The following VPS35L variants were observed in gnomAD, a reference collection of about 807,000 sequenced individuals.
VPS35L encodes VPS35 endosomal protein sorting factor like.
In VPS35L, 83 loss-of-function variants were observed where a neutral mutation model predicts 133.0. The ratio of observed to expected loss-of-function variants is 0.62; its 90% confidence interval spans 0.52 to 0.75. VPS35L has a LOEUF of 0.75. Ranked by LOEUF, VPS35L falls within the 30% of genes least tolerant of loss-of-function variation. The probability of loss-of-function intolerance (pLI) is 0.00; values close to 1 mark genes in which losing one functional copy is unlikely to be tolerated. For synonymous variants in VPS35L, 423 were observed against 449.9 expected (o/e 0.94, Z 0.76); for missense variants, 1,083 against 1,206.8 (o/e 0.90, Z 1.52).
At chr16:19,637,684 G>A in intron 20 of VPS35L, 28 bp downstream of exon 20, 1 of 1,494,060 alleles carries the variant, frequency 6.7e-7, no homozygotes, top group South Asian at 1.2e-5. Flanking sequence ...ATTATCTTTG[G>A]AAATTTGTAC....
intron 7 of VPS35L, among the ~76,000 whole-genome samples, chr16:19,591,072 C>T (rs1276118269): frequency 1.3e-5 from 2 of 152,178 alleles, no homozygotes; most frequent in Non-Finnish European, 2.9e-5. Context: ...ATGTTTTCAG[C>T]ATTGAAGGTC....
chr16:19,682,479 T>C, intron 28 of VPS35L, 89 bp downstream of exon 28: 1 of 1,398,126 alleles, frequency 7.2e-7, no homozygotes, highest in Non-Finnish European at 9.7e-7. Flanking sequence ...TATTTTTTCC[T>C]CCCTTGTATT....
intron 25 of VPS35L, 94 bp from the exon 26 acceptor site, chr16:19,651,882 G>A: frequency 1.1e-6 from 1 of 938,814 alleles, no homozygotes; most frequent in Non-Finnish European, 1.7e-6. Flanking sequence ...ACTGTTGTAA[G>A]TTTCTTTCCT....
In VPS35L at chr16:19,699,465, C is replaced by T; in HGVS notation, c.2647-37C>T. On this transcript the variant is annotated intron_variant, in intron 29 of 30. Transcript: ENST00000417362. This position sits in a 1 kb window ranked among gnomAD's most constrained non-coding sequence, Gnocchi z 4.2. ...CATCTCTGCGGGGCACGGCCTGAGC[C>T]CCAGTGCAAGGCAGTAACCTCCCTT... 6.2e-7 allele frequency: 1 copy of T among 1,612,676 alleles called. No homozygotes were observed. Among genetic ancestry groups the T allele is most frequent in the Non-Finnish European group, 8.5e-7 (1 of 1,179,160 alleles).
intron 10 of VPS35L, 33 bp from the exon 11 acceptor site, chr16:19,608,941 G>A: frequency 6.2e-7 from 1 of 1,603,822 alleles, no homozygotes; most frequent in Non-Finnish European, 8.5e-7. Context: ...AGACCTTCTG[G>A]AAAACATCTT....
chr16:19,684,714 TCA>T (rs896488519), intron 28 of VPS35L, among the ~76,000 whole-genome samples: 1 of 152,182 alleles, frequency 6.6e-6, no homozygotes, highest in Non-Finnish European at 1.5e-5. Context: ...GAAGTGAAAC[TCA>T]CACCCAGAGT....
chr16:19,665,478 C>T (rs1350142798), intron 26 of VPS35L, among the ~76,000 whole-genome samples: 1 of 152,206 alleles, frequency 6.6e-6, no homozygotes, highest in African/African-American at 2.4e-5. Context: ...ATAATGCCCT[C>T]CAGTTTCACC....
chr16:19,591,607 G>A (rs918326306), intron 7 of VPS35L, among the ~76,000 whole-genome samples, 183 bp from the exon 8 acceptor site: 4 of 151,932 alleles, frequency 2.6e-5, no homozygotes, highest in Admixed American at 2.6e-4. Flanking sequence ...AGCAGAGTCC[G>A]GCTCTCTCTG....
chr16:19,570,147 C>A (rs1971316873), intron 3 of VPS35L, among the ~76,000 whole-genome samples: 1 of 152,118 alleles, frequency 6.6e-6, no homozygotes, highest in Non-Finnish European at 1.5e-5. Context: ...CTCACTGCAG[C>A]CTCCGACTCC....
chr16:19,694,866 C>T (rs536348551), intron 29 of VPS35L, among the ~76,000 whole-genome samples: 89 of 152,010 alleles, frequency 5.9e-4, no homozygotes, highest in African/African-American at 2.0e-3. Flanking sequence ...ATTAGCCGGG[C>T]GTGGTGGCAC....
chr16:19,623,772 A>T (rs867981061), intron 14 of VPS35L, among the ~76,000 whole-genome samples: 2 of 73,924 alleles, frequency 2.7e-5, no homozygotes, highest in South Asian at 4.5e-4. Context: ...TTTATTTATT[A>T]TTATTATTAT....
chr16:19,689,737 C>T (rs575101787), intron 28 of VPS35L, among the ~76,000 whole-genome samples: 2 of 152,204 alleles, frequency 1.3e-5, no homozygotes, highest in South Asian at 4.2e-4. Context: ...TCCCTTTGTC[C>T]AGTTTATCCA....
intron 21 of VPS35L, 123 bp from the exon 22 acceptor site, chr16:19,642,273 G>A: frequency 1.4e-6 from 1 of 735,286 alleles, no homozygotes; most frequent in Non-Finnish European, 2.2e-6. Flanking sequence ...AAACTGGGCT[G>A]GGTGAAATGC....
intron 3 of VPS35L, among the ~76,000 whole-genome samples, chr16:19,570,883 A>T (rs1303322487): frequency 0.016 from 1,055 of 67,502 alleles, 60 homozygotes; most frequent in African/African-American, 0.074. Flanking sequence ...ATATATATAT[A>T]TATATATTTT....
intron 23 of VPS35L, 97 bp downstream of exon 23, chr16:19,645,046 C>A: frequency 1.3e-6 from 1 of 760,326 alleles, no homozygotes; most frequent in South Asian, 2.2e-5. Flanking sequence ...TTCTCTGGTG[C>A]TTTTCATTCT....
intron 29 of VPS35L, among the ~76,000 whole-genome samples, chr16:19,693,317 G>A (rs945170608): frequency 1.4e-4 from 21 of 152,062 alleles, no homozygotes; most frequent in Non-Finnish European, 2.6e-4. Context: ...ATGAAGAGAG[G>A]TTGGTTAATG....
chr16:19,556,684 T>C (rs1970866848), intron 1 of VPS35L, among the ~76,000 whole-genome samples: 2 of 152,374 alleles, frequency 1.3e-5, no homozygotes, highest in South Asian at 4.1e-4. Context: ...GGTACAACCT[T>C]CTGCTTTTGA....
intron 26 of VPS35L, among the ~76,000 whole-genome samples, chr16:19,654,461 A>G (rs534841331): frequency 8.2e-4 from 125 of 151,966 alleles, no homozygotes; most frequent in African/African-American, 2.9e-3. Context: ...CGGGAGGCTG[A>G]GGCACAACAA....
chr16:19,607,969 A>G (rs1972586383), intron 9 of VPS35L: 2 of 556,060 alleles, frequency 3.6e-6, no homozygotes, highest in East Asian at 5.9e-5. Flanking sequence ...GCTGTCTGTA[A>G]AGCACTGCGA....
Sources: allele counts gnomAD v4.1 joint callset (sites outside exome capture counted in the v4.1 genomes callset), GRCh38; gene constraint gnomAD v4.1.1; non-coding constraint Gnocchi (gnomAD v3.1); transcripts MANE v1.5; gene names NCBI Gene and HGNC (gene_info 2026-07-23, HGNC 2026-07-21).